Variants in AGPS observed in about 807,000 individuals in gnomAD.
AGPS encodes the protein alkylglycerone phosphate synthase.
A neutral mutation model predicts 90.7 loss-of-function variants in AGPS; 26 were observed. The observed-to-expected ratio is 0.29, with a 90% CI of 0.21 to 0.40. AGPS has a LOEUF of 0.40. Ranked by LOEUF, AGPS falls within the 10% of genes least tolerant of loss-of-function variation. The pLI is 1.00. For synonymous variants in AGPS, 294 were observed against 285.3 expected (o/e 1.03, Z -0.31); for missense variants, 540 against 816.1 (o/e 0.66, Z 4.12).
At chr2:177,408,828 G>A (rs773735605) in intron 1 of AGPS, among the ~76,000 whole-genome samples, 1 of 152,150 alleles carries the variant, frequency 6.6e-6, no homozygotes, top group Non-Finnish European at 1.5e-5. Flanking sequence ...AACAGATGAG[G>A]CTTCTATTCT....
In AGPS at chr2:177,442,318, C is replaced by T; in HGVS notation, c.710-89C>T. On this transcript the variant is annotated intron_variant, in intron 6 of 19. Transcript: ENST00000264167. ...GGTATCACTTTTCTAGTGGCCCTAT[C>T]TGTATACTTGATATGAGGGATTTGC... 3 of 1,005,636 alleles carry T rather than the reference C, an allele frequency of 3.0e-6. No homozygotes were observed. The East Asian group carries it at 7.2e-5, about 24-fold the overall frequency. The allele number at this position is 1,005,636 out of a possible 1,614,324, so 62.3% of individuals were successfully genotyped here. A position where few individuals can be genotyped will look rare whatever the true frequency, so the allele number is the denominator to read the frequency against.
intron 3 of AGPS, among the ~76,000 whole-genome samples, chr2:177,435,097 T>C (rs546720660): frequency 6.6e-6 from 1 of 150,420 alleles, no homozygotes; most frequent in African/African-American, 2.4e-5. Flanking sequence ...TTGCATTTCT[T>C]TTTATTATTT....
At chr2:177,426,586 A>G (rs1488944232) in intron 2 of AGPS, among the ~76,000 whole-genome samples, 1 of 152,082 alleles carries the variant, frequency 6.6e-6, no homozygotes, top group Non-Finnish European at 1.5e-5. Context: ...TACTTTATTG[A>G]ATTTTTAACA....
chr2:177,524,837 A>T (rs186020843), intron 19 of AGPS, among the ~76,000 whole-genome samples: 58 of 152,316 alleles, frequency 3.8e-4, no homozygotes, highest in Admixed American at 1.3e-4. Flanking sequence ...GAATGAATGA[A>T]AGAATTCTGT....
At chr2:177,402,827 C>T (rs1261849356) in intron 1 of AGPS, among the ~76,000 whole-genome samples, 2 of 152,110 alleles carry the variant, frequency 1.3e-5, no homozygotes, top group African/African-American at 4.8e-5. Context: ...GAGGCTGAGG[C>T]GGGTGGATTA....
intron 11 of AGPS, among the ~76,000 whole-genome samples, chr2:177,483,294 A>G (rs902888159): frequency 8.5e-5 from 13 of 152,182 alleles, no homozygotes; most frequent in African/African-American, 3.1e-4. Context: ...TCACATATAT[A>G]TATCATTCCC....
intron 10 of AGPS, among the ~76,000 whole-genome samples, chr2:177,468,782 A>G (rs929240576): frequency 2.6e-4 from 40 of 151,990 alleles, no homozygotes; most frequent in Non-Finnish European, 2.9e-5. Context: ...AATGAATTTC[A>G]GGAAAAGTGG....
intron 1 of AGPS, among the ~76,000 whole-genome samples, chr2:177,412,447 A>G (rs1685648314): frequency 6.6e-6 from 1 of 152,184 alleles, no homozygotes; most frequent in Admixed American, 6.5e-5. Context: ...CAATGCTCCC[A>G]ACCCAGAAGG....
At chr2:177,449,157 G>A (rs1416738228) in intron 8 of AGPS, among the ~76,000 whole-genome samples, 1 of 152,164 alleles carries the variant, frequency 6.6e-6, no homozygotes. Context: ...GAACGTTCAT[G>A]TGAAAGTTTT....
chr2:177,399,438 C>T (rs990136762), intron 1 of AGPS, among the ~76,000 whole-genome samples: 1 of 152,126 alleles, frequency 6.6e-6, no homozygotes, highest in Non-Finnish European at 1.5e-5. Context: ...GTCCCAACAT[C>T]TGGGCTCAGA....
intron 8 of AGPS, among the ~76,000 whole-genome samples, chr2:177,457,018 A>G (rs1030630780): frequency 1.2e-4 from 19 of 152,258 alleles, no homozygotes; most frequent in South Asian, 2.1e-4. Context: ...CAATCAAATT[A>G]GAACTCAGGA....
At chr2:177,427,150 G>C (rs1436141860) in intron 2 of AGPS, among the ~76,000 whole-genome samples, 1 of 152,208 alleles carries the variant, frequency 6.6e-6, no homozygotes, top group Non-Finnish European at 1.5e-5. Flanking sequence ...TGTGCATAGA[G>C]ATGTTGATAG....
chr2:177,472,360 G>C (rs182945236), intron 10 of AGPS, among the ~76,000 whole-genome samples: 262 of 150,378 alleles, frequency 1.7e-3, no homozygotes, highest in African/African-American at 6.0e-3. Flanking sequence ...CTTTTTACGT[G>C]CCTTTTTTTG....
intron 8 of AGPS, among the ~76,000 whole-genome samples, chr2:177,446,476 A>G (rs1026882879): frequency 6.6e-6 from 1 of 152,102 alleles, no homozygotes; most frequent in Non-Finnish European, 1.5e-5. Flanking sequence ...ATAGCTGAAT[A>G]TGGCTGAAGG....
At chr2:177,500,280 T>C (rs191924770) in intron 14 of AGPS, among the ~76,000 whole-genome samples, 8 of 152,154 alleles carry the variant, frequency 5.3e-5, no homozygotes, top group Non-Finnish European at 1.0e-4. Flanking sequence ...CTCTGTCTTC[T>C]TGATGGATTA....
intron 8 of AGPS, among the ~76,000 whole-genome samples, chr2:177,453,211 T>C (rs1366250921): frequency 2.0e-5 from 3 of 152,120 alleles, no homozygotes; most frequent in Non-Finnish European, 2.9e-5. Context: ...ATGAGAAATC[T>C]GATATTATCT....
At chr2:177,475,623 G>GT (rs1687759540) in intron 10 of AGPS, among the ~76,000 whole-genome samples, 1 of 152,134 alleles carries the variant, frequency 6.6e-6, no homozygotes, top group Admixed American at 6.6e-5. Context: ...ACAGTTGTGT[G>GT]TATCAGTACC....
intron 1 of AGPS, among the ~76,000 whole-genome samples, chr2:177,394,791 A>G (rs1685123040): frequency 6.6e-6 from 1 of 152,216 alleles, no homozygotes; most frequent in African/African-American, 2.4e-5. Context: ...TGAAAAAAAT[A>G]GAGTTAAATG....
At chr2:177,507,074 A>T (rs1688739422) in intron 15 of AGPS, among the ~76,000 whole-genome samples, 1 of 152,026 alleles carries the variant, frequency 6.6e-6, no homozygotes, top group African/African-American at 2.4e-5. Context: ...TGTTTTTATA[A>T]GTTTTACAAT....
Sources: gnomAD v4.1 joint callset for allele counts (sites outside exome capture counted in the v4.1 genomes callset) on GRCh38, gnomAD v4.1.1 for gene constraint, MANE v1.5 for transcripts, NCBI Gene and HGNC (gene_info 2026-07-23, HGNC 2026-07-21) for gene names.